INTS4: variants seen among roughly 807,000 people sequenced by gnomAD.
INTS4 encodes integrator complex subunit 4, also known as MSTP093.
In INTS4, 70 loss-of-function variants were observed where a neutral mutation model predicts 119.5. The observed-to-expected ratio is 0.59, with a 90% confidence interval of 0.48 to 0.71. The LOEUF (loss-of-function observed/expected upper bound fraction) is 0.71, where lower values mean the gene tolerates loss of function less well. Ranked by LOEUF, INTS4 falls within the 30% of genes least tolerant of loss-of-function variation. INTS4 has a pLI of 0.00. For missense variants in INTS4, 867 were observed against 1,173.2 expected (o/e 0.74, Z 3.81); for synonymous variants, 316 against 419.6 (o/e 0.75, Z 3.02).
At chr11:77,958,663 T>G in intron 7 of INTS4, 83 bp downstream of exon 7, 1 of 787,570 alleles carries the variant, frequency 1.3e-6, no homozygotes, top group South Asian at 1.5e-5. Flanking sequence ...AACATTTCTT[T>G]TCTAGAAGTG....
chr11:77,933,367 C>G (rs1427686741), intron 10 of INTS4, among the ~76,000 whole-genome samples: 2 of 147,008 alleles, frequency 1.4e-5, no homozygotes, highest in Admixed American at 6.9e-5. Context: ...GGATTGCAGG[C>G]GCGCGCCGCC....
chr11:77,989,953 C>A (rs902809104), intron 2 of INTS4, among the ~76,000 whole-genome samples: 2 of 152,094 alleles, frequency 1.3e-5, no homozygotes, highest in Non-Finnish European at 2.9e-5. Flanking sequence ...TGGTAGCTCA[C>A]GCTTGCAATC....
chr11:77,902,778 G>C (rs1381743314), intron 17 of INTS4, among the ~76,000 whole-genome samples: 2 of 152,148 alleles, frequency 1.3e-5, no homozygotes, highest in Non-Finnish European at 2.9e-5. Context: ...TCAATACTCA[G>C]GTGCAAAGGG....
intron 15 of INTS4, chr11:77,918,268 C>CA (rs34323244): frequency 0.076 from 33,798 of 442,690 alleles, 4 homozygotes; most frequent in Middle Eastern, 0.093. Context: ...CTCGACTCTA[C>CA]AAAAAAAAAA....
chr11:77,902,809 G>T (rs1446128236), intron 17 of INTS4, among the ~76,000 whole-genome samples: 1 of 152,160 alleles, frequency 6.6e-6, no homozygotes, highest in Non-Finnish European at 1.5e-5. Context: ...AAGCTAAAAA[G>T]AAATAAACTA....
rs11370501 is a variant in INTS4 at position 77,961,143 on chromosome 11, TAAAAAA to T, written c.472-11_472-6del. 2.4e-5 allele frequency: 29 copies of T among 1,216,690 alleles called. No homozygotes were observed. The highest frequency in any genetic ancestry group is 1.1e-4 in the African/African-American group (6 of 54,102). 75.4% of individuals were successfully genotyped at this position (1,216,690 alleles called of 1,614,324 possible). A position where few individuals can be genotyped will look rare whatever the true frequency, so the allele number is the denominator to read the frequency against. On this transcript the variant is annotated splice_region_variant and splice_polypyrimidine_tract_variant and intron_variant, in intron 4 of 22. Coordinates refer to ENST00000534064, the MANE Select transcript of INTS4 (RefSeq NM_033547.4). ...ATGAGACGTATCTGTCAGATGCTAT[TAAAAAA>T]AAAAAAAAAAAGAAAAAAAGAAAAA...
intron 19 of INTS4, among the ~76,000 whole-genome samples, chr11:77,893,314 G>A (rs1361459870): frequency 4.6e-5 from 7 of 152,172 alleles, no homozygotes; most frequent in Non-Finnish European, 1.0e-4. Context: ...GCAAGTGTAA[G>A]AACAGTGTGG....
intron 10 of INTS4, among the ~76,000 whole-genome samples, chr11:77,929,224 G>A (rs1953586509): frequency 6.6e-6 from 1 of 151,994 alleles, no homozygotes; most frequent in Non-Finnish European, 1.5e-5. Context: ...TAAGAGCCAT[G>A]GGATAAGTCC....
At chr11:77,976,654 T>C (rs954873067) in intron 4 of INTS4, among the ~76,000 whole-genome samples, 1 of 152,194 alleles carries the variant, frequency 6.6e-6, no homozygotes, top group Non-Finnish European at 1.5e-5. Context: ...CTATTCACAA[T>C]AGCAAAGACT....
intron 8 of INTS4, among the ~76,000 whole-genome samples, chr11:77,951,906 G>A (rs1442854025): frequency 6.6e-6 from 1 of 151,962 alleles, no homozygotes; most frequent in Non-Finnish European, 1.5e-5. Context: ...AAAAGACACA[G>A]GAAAAAATGC....
chr11:77,889,379 C>T (rs1024260256), intron 21 of INTS4, among the ~76,000 whole-genome samples: 1 of 144,490 alleles, frequency 6.9e-6, no homozygotes, highest in African/African-American at 2.6e-5. Flanking sequence ...GGGAACATCA[C>T]ACCCCGGGGA....
intron 10 of INTS4, 129 bp from the exon 11 acceptor site, chr11:77,928,676 G>A: frequency 7.2e-7 from 1 of 1,387,262 alleles, no homozygotes; most frequent in Non-Finnish European, 9.6e-7. Context: ...GTAAAACTCT[G>A]TTTCTACCAA....
downstream of INTS4, chr11:77,877,091 C>A: frequency 1.4e-6 from 1 of 701,304 alleles, no homozygotes; most frequent in Non-Finnish European, 2.6e-6. Flanking sequence ...GTTAATCATT[C>A]TTCCCCTAGT....
intron 8 of INTS4, among the ~76,000 whole-genome samples, chr11:77,954,054 C>T (rs527758361): frequency 6.6e-5 from 10 of 151,124 alleles, no homozygotes; most frequent in Admixed American, 5.3e-4. Flanking sequence ...CCTCGTGATC[C>T]GCCCGCCTTG....
At chr11:77,950,785 A>C (rs560022977) in intron 8 of INTS4, among the ~76,000 whole-genome samples, 1 of 152,230 alleles carries the variant, frequency 6.6e-6, no homozygotes, top group African/African-American at 2.4e-5. Context: ...GGTTAGTTAC[A>C]TATGTACACA....
chr11:77,951,438 G>A lies in INTS4; in HGVS notation c.918+4504C>T, dbSNP rs186252025. On this transcript the variant is annotated intron_variant, in intron 8 of 22. Transcript: ENST00000534064. ...AAGGATTCTCTATTTAATAAATGGT[G>A]CTGGGAAAACTGGCTAGCCATATGT... is the stretch of plus-strand genomic sequence containing the variant. 3.3e-3 allele frequency among the ~76,000 whole-genome samples: 508 copies of A among 152,290 alleles called. 2 individuals are homozygous for A. Among genetic ancestry groups the A allele is most frequent in the Non-Finnish European group, 5.9e-3 (399 of 68,028 alleles).
intron 3 of INTS4, 112 bp from the exon 4 acceptor site, chr11:77,979,214 T>C: frequency 1.7e-6 from 1 of 598,404 alleles, no homozygotes; most frequent in South Asian, 1.7e-5. Flanking sequence ...CTCACAACTG[T>C]AATCCCAGCA....
intron 17 of INTS4, among the ~76,000 whole-genome samples, chr11:77,903,002 T>A (rs1410249617): frequency 6.6e-6 from 1 of 152,212 alleles, no homozygotes. Context: ...ACTCCTAACC[T>A]TAAGTGATGT....
chr11:77,905,999 A>T (rs968053250), intron 16 of INTS4, among the ~76,000 whole-genome samples: 3 of 152,226 alleles, frequency 2.0e-5, no homozygotes, highest in Non-Finnish European at 4.4e-5. Flanking sequence ...TATGTTTCTC[A>T]AATAAATTCC....
Sources: gnomAD v4.1 joint callset for allele counts (sites outside exome capture counted in the v4.1 genomes callset) on GRCh38, gnomAD v4.1.1 for gene constraint, MANE v1.5 for transcripts, NCBI Gene and HGNC (gene_info 2026-07-23, HGNC 2026-07-21) for gene names.